The following GRIP1 variants were observed in gnomAD, a reference collection of about 807,000 sequenced individuals.
The protein encoded by GRIP1 is glutamate receptor interacting protein 1, also known as glutamate receptor-interacting protein 1.
A neutral mutation model predicts 129.9 loss-of-function variants in GRIP1; 45 were observed. The observed-to-expected ratio is 0.35, with a 90% CI of 0.27 to 0.44. GRIP1 has a LOEUF of 0.44. GRIP1 is among the 20% of genes least tolerant of loss of function. The pLI is 1.00. For missense variants in GRIP1, 1,196 were observed against 1,396.8 expected (o/e 0.86, Z 2.29); for synonymous variants, 530 against 520.8 (o/e 1.02, Z -0.24).
rs2054098440 is a variant in GRIP1, at chr12:66,348,959, T to G, written c.*60A>C. The G allele has an allele frequency of 8.3e-7, 1 of 1,207,276 alleles. No individual in the cohort carries two copies. The allele number at this position is 1,207,276 out of a possible 1,614,324, so 74.8% of individuals were successfully genotyped here. ...CTGTGCTTCAAAGGTCACAGAAATCTTAAAGGATTTTTAGCACCATGTAGA... is the reference window on the plus strand; with the variant it reads ...CTGTGCTTCAAAGGTCACAGAAATCGTAAAGGATTTTTAGCACCATGTAGA... On this transcript the variant is annotated 3_prime_UTR_variant, in exon 25 of 25. Coordinates refer to ENST00000359742, the MANE Select transcript of GRIP1 (RefSeq NM_001366722.1).
chr12:66,860,764 T>C (rs1430878699), intron 1 of GRIP1, among the ~76,000 whole-genome samples: 1 of 152,094 alleles, frequency 6.6e-6, no homozygotes, highest in Non-Finnish European at 1.5e-5. Flanking sequence ...CATATTGCGA[T>C]ACATAATGTC....
chr12:66,413,869 G>A (rs976784902), intron 15 of GRIP1, among the ~76,000 whole-genome samples: 1 of 152,114 alleles, frequency 6.6e-6, no homozygotes. Flanking sequence ...CTCAATAGAT[G>A]CAGAAATGGC....
intron 1 of GRIP1, among the ~76,000 whole-genome samples, chr12:66,606,933 G>A (rs966198549): frequency 5.9e-5 from 9 of 152,016 alleles, no homozygotes; most frequent in African/African-American, 1.7e-4. Context: ...TTTAACATAC[G>A]TATCTCTCTT....
intron 1 of GRIP1, among the ~76,000 whole-genome samples, chr12:66,864,753 T>C (rs2040173321): frequency 6.6e-6 from 1 of 152,118 alleles, no homozygotes; most frequent in African/African-American, 2.4e-5. Flanking sequence ...TAGAAAATGC[T>C]GACCTTTATC....
intron 1 of GRIP1, among the ~76,000 whole-genome samples, chr12:66,972,516 T>A (rs1183520345): frequency 1.3e-5 from 2 of 152,232 alleles, no homozygotes; most frequent in Non-Finnish European, 2.9e-5. Context: ...CTACTATGAG[T>A]GGAAAGCTGA....
intron 1 of GRIP1, among the ~76,000 whole-genome samples, chr12:66,855,779 C>T (rs1035847352): frequency 6.6e-6 from 1 of 152,010 alleles, no homozygotes; most frequent in Admixed American, 6.6e-5. Flanking sequence ...TCTGCCACAA[C>T]AGTGTTCTCC....
At chr12:66,821,734 A>C (rs1446180626) in intron 1 of GRIP1, among the ~76,000 whole-genome samples, 4 of 152,344 alleles carry the variant, frequency 2.6e-5, no homozygotes, top group Non-Finnish European at 4.4e-5. Flanking sequence ...TTTCTTAAGT[A>C]GTCTTGTAGA....
chr12:66,884,129 A>G (rs780219656), intron 1 of GRIP1, among the ~76,000 whole-genome samples: 1 of 152,226 alleles, frequency 6.6e-6, no homozygotes, highest in East Asian at 1.9e-4. Context: ...TAACATTACA[A>G]TAGCAGTTTT....
chr12:66,667,763 A>G (rs1165503099), intron 1 of GRIP1, among the ~76,000 whole-genome samples: 2 of 152,162 alleles, frequency 1.3e-5, no homozygotes, highest in African/African-American at 4.8e-5. Context: ...CTAATTTTAG[A>G]TTAGGGAACA....
intron 1 of GRIP1, among the ~76,000 whole-genome samples, chr12:66,713,586 G>T (rs1469662738): frequency 6.6e-6 from 1 of 151,918 alleles, no homozygotes; most frequent in Non-Finnish European, 1.5e-5. Flanking sequence ...ATGCTGTGCA[G>T]CTTATCTGAA....
At chr12:66,869,978 A>C (rs1465615953) in intron 1 of GRIP1, among the ~76,000 whole-genome samples, 1 of 152,020 alleles carries the variant, frequency 6.6e-6, no homozygotes, top group East Asian at 1.9e-4. Context: ...TAATTCTTGG[A>C]TGTTTGGGGC....
intron 1 of GRIP1, among the ~76,000 whole-genome samples, chr12:66,953,355 C>A (rs1185734112): frequency 6.6e-6 from 1 of 152,176 alleles, no homozygotes; most frequent in African/African-American, 2.4e-5. Flanking sequence ...AGCCATCATT[C>A]ATTCAGGACT....
intron 1 of GRIP1, among the ~76,000 whole-genome samples, chr12:66,997,838 T>C (rs1201408151): frequency 1.3e-5 from 2 of 152,184 alleles, no homozygotes; most frequent in Non-Finnish European, 2.9e-5. Context: ...TAGGTATCTA[T>C]GGCCTCTAAA....
intron 1 of GRIP1, among the ~76,000 whole-genome samples, chr12:66,965,910 G>T (rs1242937298): frequency 6.6e-6 from 1 of 152,142 alleles, no homozygotes; most frequent in African/African-American, 2.4e-5. Flanking sequence ...CAGACAGTCT[G>T]CTTTCAAAGT....
At chr12:66,570,478 T>A (rs1288132113) in intron 2 of GRIP1, among the ~76,000 whole-genome samples, 1 of 152,190 alleles carries the variant, frequency 6.6e-6, no homozygotes, top group Non-Finnish European at 1.5e-5. Flanking sequence ...GGTCCCATCT[T>A]CAGTTATGCT....
At chr12:67,001,953 A>C (rs1019259447) in intron 1 of GRIP1, among the ~76,000 whole-genome samples, 8 of 150,254 alleles carry the variant, frequency 5.3e-5, no homozygotes, top group African/African-American at 1.3e-4. Context: ...TCCACCCAGA[A>C]GAAGAAGAGT....
intron 1 of GRIP1, among the ~76,000 whole-genome samples, chr12:66,914,086 A>G (rs1451066738): frequency 2.6e-5 from 4 of 152,196 alleles, no homozygotes; most frequent in Non-Finnish European, 5.9e-5. Flanking sequence ...TACAGACTAC[A>G]GAAGGACACT....
At chr12:66,365,980 T>C (rs1366403053) in intron 23 of GRIP1, among the ~76,000 whole-genome samples, 1 of 152,232 alleles carries the variant, frequency 6.6e-6, no homozygotes, top group East Asian at 1.9e-4. Flanking sequence ...GGCTAATGCA[T>C]GGCAAGCGAG....
At chr12:66,907,962 T>G (rs2137298975) in intron 1 of GRIP1, among the ~76,000 whole-genome samples, 1 of 152,026 alleles carries the variant, frequency 6.6e-6, no homozygotes, top group Non-Finnish European at 1.5e-5. Flanking sequence ...ATGACAGAGA[T>G]TAGGGCATTA....
Sources: allele counts gnomAD v4.1 joint callset (sites outside exome capture counted in the v4.1 genomes callset), GRCh38; gene constraint gnomAD v4.1.1; transcripts MANE v1.5; gene names NCBI Gene and HGNC (gene_info 2026-07-23, HGNC 2026-07-21).